Variants in THSD7B observed in about 807,000 individuals in gnomAD.
The protein encoded by THSD7B is thrombospondin type-1 domain-containing protein 7B.
THSD7B carries 138 observed loss-of-function variants against 213.6 expected under a neutral mutation model. That is an observed-to-expected ratio of 0.65 (90% CI 0.56 to 0.74). The LOEUF is 0.74. Among genes scored for constraint, THSD7B ranks in the 30% least tolerant of loss-of-function variants. The probability of loss-of-function intolerance (pLI) is 0.00; values close to 1 mark genes in which losing one functional copy is unlikely to be tolerated. For synonymous variants in THSD7B, 742 were observed against 687.0 expected (o/e 1.08, Z -1.25); for missense variants, 1,931 against 1,991.5 (o/e 0.97, Z 0.58).
At position 137,093,809 on chromosome 2, in the gene THSD7B, G is replaced by A. The variant is rs182564351; in HGVS notation, c.951-1064G>A. ...AAGTTTTAGGGTACATGTGCACAAC[G>A]TGCAGGTTTGTTACATATGTATACA... On this transcript the variant is annotated intron_variant, in intron 3 of 27. Transcript: ENST00000409968. Among the ~76,000 whole-genome samples, 6 of 152,062 alleles carry A rather than the reference G, an allele frequency of 3.9e-5. No homozygotes were observed. In the East Asian group the frequency reaches 9.7e-4, roughly 25 times the overall value.
intron 7 of THSD7B, among the ~76,000 whole-genome samples, chr2:137,199,228 A>T (rs7589061): frequency 0.83 from 126,857 of 152,148 alleles, 53,830 homozygotes; most frequent in Middle Eastern, 0.94. Flanking sequence ...TTTCCCAGTC[A>T]TTTCATTTTT....
intron 4 of THSD7B, among the ~76,000 whole-genome samples, chr2:137,102,605 A>G (rs979244955): frequency 2.0e-5 from 3 of 152,222 alleles, no homozygotes; most frequent in Admixed American, 1.3e-4. Flanking sequence ...CTAAAGGAGC[A>G]TGTTCTAACC....
At chr2:136,895,402 A>G (rs1050164266) in intron 2 of THSD7B, among the ~76,000 whole-genome samples, 12 of 151,768 alleles carry the variant, frequency 7.9e-5, no homozygotes, top group African/African-American at 2.7e-4. Context: ...GCCATTCTCC[A>G]CAGAGGATCT....
chr2:137,231,119 T>G lies in THSD7B; in HGVS notation c.1799T>G (p.Met600Arg). Residue 600 changes from methionine to arginine, a missense_variant, in exon 8 of 28, where the codon ATG becomes AGG. Met to Arg is a moderately conservative substitution (Grantham distance 91). Coordinates refer to ENST00000409968, the MANE Select transcript of THSD7B (RefSeq NM_001316349.2). ...AAGTCTTGTGAAATTCCCTGCCGAA[T>G]GGACTGTGTGCTGAGCGAGTGGACG... ...ERKSCEIPCRMDCVLSEWTEW... is the reference protein window; with the variant it reads ...ERKSCEIPCRRDCVLSEWTEW... 1.9e-6 allele frequency: 3 copies of G among 1,613,864 alleles called. No individual in the cohort carries two copies. The highest frequency in any genetic ancestry group is 2.5e-6 in the Non-Finnish European group (3 of 1,179,808).
chr2:136,918,646 G>A (rs374204289), intron 2 of THSD7B, among the ~76,000 whole-genome samples: 9 of 152,264 alleles, frequency 5.9e-5, no homozygotes, highest in African/African-American at 2.2e-4. Flanking sequence ...CGACAGAAGG[G>A]ACCCAGAACT....
chr2:137,319,769 T>A (rs1684222508), intron 12 of THSD7B, among the ~76,000 whole-genome samples: 1 of 152,194 alleles, frequency 6.6e-6, no homozygotes, highest in African/African-American at 2.4e-5. Flanking sequence ...TTTTTAGAGG[T>A]GCCAGCTTAA....
At chr2:137,425,954 T>G (rs1687045679) in intron 14 of THSD7B, among the ~76,000 whole-genome samples, 1 of 152,040 alleles carries the variant, frequency 6.6e-6, no homozygotes, top group Admixed American at 6.5e-5. Context: ...ACCAAAGAAC[T>G]GATAGAACTA....
At chr2:137,425,267 A>T (rs1687028662) in intron 14 of THSD7B, among the ~76,000 whole-genome samples, 1 of 151,256 alleles carries the variant, frequency 6.6e-6, no homozygotes, top group Non-Finnish European at 1.5e-5. Flanking sequence ...CTGGGCCTGG[A>T]GTGCAGTGGT....
chr2:136,980,113 A>G (rs1222924314), intron 2 of THSD7B, among the ~76,000 whole-genome samples: 1 of 152,174 alleles, frequency 6.6e-6, no homozygotes, highest in Non-Finnish European at 1.5e-5. Context: ...TGGAAGCTGC[A>G]GAACAGCAAG....
intron 15 of THSD7B, among the ~76,000 whole-genome samples, chr2:137,464,176 A>G (rs978294620): frequency 1.3e-5 from 2 of 152,050 alleles, no homozygotes; most frequent in African/African-American, 4.8e-5. Context: ...CTCTCACATT[A>G]CATTACAATA....
intron 7 of THSD7B, among the ~76,000 whole-genome samples, chr2:137,207,512 G>A (rs949088706): frequency 1.3e-5 from 2 of 152,106 alleles, no homozygotes; most frequent in Admixed American, 1.3e-4. Flanking sequence ...AACCACCAGA[G>A]TGTAATGCAA....
At chr2:136,972,325 AGTG>A (rs1331115950) in intron 2 of THSD7B, among the ~76,000 whole-genome samples, 3 of 152,164 alleles carry the variant, frequency 2.0e-5, no homozygotes, top group Admixed American at 1.3e-4. Context: ...TATTTAGAAA[AGTG>A]GTGGTCAATA....
At chr2:137,070,551 AT>A (rs201274974) in intron 3 of THSD7B, among the ~76,000 whole-genome samples, 8,851 of 149,224 alleles carry the variant, frequency 0.059, 662 homozygotes, top group East Asian at 0.26. Flanking sequence ...AAAATTTTTT[AT>A]TTTTTTTTTA....
chr2:136,982,384 C>G (rs1180151111), intron 2 of THSD7B, among the ~76,000 whole-genome samples: 1 of 151,480 alleles, frequency 6.6e-6, no homozygotes, highest in Admixed American at 6.6e-5. Flanking sequence ...AGGCTGGTCT[C>G]GAACCCTGGG....
intron 14 of THSD7B, among the ~76,000 whole-genome samples, chr2:137,422,580 C>T (rs949804985): frequency 1.3e-5 from 2 of 152,062 alleles, no homozygotes; most frequent in African/African-American, 4.8e-5. Context: ...TTAAAAAAAT[C>T]AATGGAACAT....
intron 3 of THSD7B, among the ~76,000 whole-genome samples, chr2:137,080,875 TA>T (rs1451893358): frequency 3.9e-5 from 6 of 152,194 alleles, no homozygotes; most frequent in African/African-American, 1.4e-4. Context: ...ATTTCCAAGT[TA>T]TTTTTTGGTT....
intron 5 of THSD7B, among the ~76,000 whole-genome samples, chr2:137,128,494 G>T (rs796083091): frequency 7.2e-5 from 11 of 152,128 alleles, no homozygotes; most frequent in African/African-American, 2.7e-4. Context: ...ATCTAGTCTG[G>T]GCCTGAAATT....
At chr2:137,637,609 G>A (rs1164057375) in intron 20 of THSD7B, among the ~76,000 whole-genome samples, 1 of 152,186 alleles carries the variant, frequency 6.6e-6, no homozygotes, top group Admixed American at 6.5e-5. Flanking sequence ...CCATATGGCT[G>A]TGCTTCCAAT....
chr2:136,867,042 C>T (rs530072296), intron 1 of THSD7B, among the ~76,000 whole-genome samples: 1 of 152,196 alleles, frequency 6.6e-6, no homozygotes, highest in African/African-American at 2.4e-5. Flanking sequence ...ATTTATTCAA[C>T]ATCTACTGTC....
Sources: allele counts gnomAD v4.1 joint callset (sites outside exome capture counted in the v4.1 genomes callset), GRCh38; gene constraint gnomAD v4.1.1; transcripts MANE v1.5; gene names NCBI Gene and HGNC (gene_info 2026-07-23, HGNC 2026-07-21).